KIF1B: variants seen among roughly 807,000 people sequenced by gnomAD.
KIF1B encodes kinesin family member 1B.
In KIF1B, 76 loss-of-function variants were observed where a neutral mutation model predicts 241.9. The ratio of observed to expected loss-of-function variants is 0.31; its 90% CI spans 0.26 to 0.38. The LOEUF (loss-of-function observed/expected upper bound fraction) is 0.38. Among genes scored for constraint, KIF1B ranks in the 10% least tolerant of loss-of-function variants. The probability of loss-of-function intolerance (pLI) is 1.00; values close to 1 mark genes in which losing one functional copy is unlikely to be tolerated. For missense variants in KIF1B, 1,622 were observed against 2,271.4 expected, an observed-to-expected ratio of 0.71 and a Z score of 5.81; for synonymous variants, 750 against 796.7, an observed-to-expected ratio of 0.94 and a Z score of 0.99.
At chr1:10,359,816 T>C (rs1027550414) in intron 38 of KIF1B, among the ~76,000 whole-genome samples, 1 of 151,814 alleles carries the variant, frequency 6.6e-6, no homozygotes, top group Admixed American at 6.6e-5. Context: ...GGCAGAGCGC[T>C]TGAGGTCAGG....
intron 45 of KIF1B, among the ~76,000 whole-genome samples, chr1:10,372,059 GTCTA>G (rs1638748347): frequency 6.6e-6 from 1 of 152,138 alleles, no homozygotes; most frequent in Non-Finnish European, 1.5e-5. Flanking sequence ...TCATCCACCT[GTCTA>G]TCTTATTGTA....
At chr1:10,248,358 C>A (rs1180554612) in intron 2 of KIF1B, among the ~76,000 whole-genome samples, 4 of 151,998 alleles carry the variant, frequency 2.6e-5, no homozygotes, top group African/African-American at 9.7e-5. Flanking sequence ...CGCTACCATA[C>A]TTGGCTAATT....
At chr1:10,283,921 C>G (rs1649559037) in intron 15 of KIF1B, among the ~76,000 whole-genome samples, 1 of 152,228 alleles carries the variant, frequency 6.6e-6, no homozygotes, top group African/African-American at 2.4e-5. Flanking sequence ...CCGAAAAACT[C>G]TTTAACACTA....
At chr1:10,284,456 C>T (rs530618818) in intron 15 of KIF1B, among the ~76,000 whole-genome samples, 1 of 152,138 alleles carries the variant, frequency 6.6e-6, no homozygotes, top group Non-Finnish European at 1.5e-5. Flanking sequence ...GAGGCTGAGG[C>T]AGGCAGATCA....
chr1:10,339,293 A>G (rs1045402960), intron 31 of KIF1B, among the ~76,000 whole-genome samples: 4 of 152,208 alleles, frequency 2.6e-5, no homozygotes, highest in Admixed American at 2.6e-4. Context: ...GTAATGTGGG[A>G]ACACAAAGCT....
chr1:10,344,180 T>G lies in KIF1B; in HGVS notation c.3688+893T>G, dbSNP rs548057918. On this transcript the variant is annotated intron_variant, in intron 34 of 48. Coordinates refer to ENST00000676179, the MANE Select transcript of KIF1B (RefSeq NM_001365951.3). ...GACACATTTTCTGAGCACGCCAGTGTGCTTGCATCCTCCGCTATTGCCACC... is the reference window on the plus strand; with the variant it reads ...GACACATTTTCTGAGCACGCCAGTGGGCTTGCATCCTCCGCTATTGCCACC... Among the ~76,000 whole-genome samples the G allele has an allele frequency of 2.0e-5, 3 of 152,236 alleles. No individual in the cohort carries two copies. The South Asian group carries it at 6.2e-4, about 31-fold the overall frequency.
At chr1:10,340,832 G>T (rs1198333258) in intron 32 of KIF1B, among the ~76,000 whole-genome samples, 1 of 152,174 alleles carries the variant, frequency 6.6e-6, no homozygotes, top group Non-Finnish European at 1.5e-5. Context: ...GTTACAAGAG[G>T]CAGAGATAGG....
At chr1:10,268,364 G>A in intron 7 of KIF1B, 101 bp downstream of exon 7, 1 of 792,306 alleles carries the variant, frequency 1.3e-6, no homozygotes, top group Admixed American at 2.0e-5. Flanking sequence ...GGGTGTTGGG[G>A]GGTGCTCTTT....
chr1:10,379,655 A>G lies in KIF1B; in HGVS notation c.*3068A>G, dbSNP rs1415511486. The G allele has an allele frequency of 4.3e-6, 1 of 231,510 alleles. No homozygotes were observed. The highest frequency in any genetic ancestry group is 6.1e-5 in the East Asian group (1 of 16,362). The allele number at this position is 231,510 out of a possible 1,614,324, so 14.3% of individuals were successfully genotyped here. A position where few individuals can be genotyped will look rare whatever the true frequency, so the allele number is the denominator to read the frequency against. ...ATAAGCAAAAACTTTAAAAGGCAGG[A>G]AAGAGAATTCTTAGGCAAATTCAGA... is the stretch of plus-strand genomic sequence containing the variant. On this transcript the variant is annotated 3_prime_UTR_variant, in exon 49 of 49. Coordinates refer to ENST00000676179, the MANE Select transcript of KIF1B (RefSeq NM_001365951.3).
intron 19 of KIF1B, 98 bp downstream of exon 19, chr1:10,295,864 C>T (rs138338520): frequency 9.8e-7 from 1 of 1,019,746 alleles, no homozygotes; most frequent in African/African-American, 1.6e-5. Flanking sequence ...GTAGTACTTT[C>T]TTATACAATC....
chr1:10,304,820 C>T (rs1260213601), intron 22 of KIF1B: 14 of 1,465,450 alleles, frequency 9.6e-6, no homozygotes, highest in Admixed American at 7.2e-5. Flanking sequence ...CTCCCTTTTG[C>T]TTGTATACCA....
chr1:10,216,957 CTTTTTTTTTTTTTT>C (rs70998362), intron 1 of KIF1B, among the ~76,000 whole-genome samples: 142 of 54,516 alleles, frequency 2.6e-3, no homozygotes, highest in East Asian at 0.019. Context: ...TGCCCATTTT[CTTTTTTTTTTTTTT>C]TTTTTTTTTT....
At chr1:10,335,582 T>G (rs1487942510) in intron 28 of KIF1B, among the ~76,000 whole-genome samples, 1 of 152,204 alleles carries the variant, frequency 6.6e-6, no homozygotes, top group Non-Finnish European at 1.5e-5. Flanking sequence ...AACTGCTTCA[T>G]TATTAACAAA....
intron 22 of KIF1B, among the ~76,000 whole-genome samples, chr1:10,318,473 G>A (rs560445634): frequency 4.2e-4 from 63 of 151,680 alleles, no homozygotes; most frequent in Non-Finnish European, 7.6e-4. Context: ...TGTAATCCCA[G>A]CACTTTGGGA....
chr1:10,309,967 C>T (rs1262000028), intron 22 of KIF1B, among the ~76,000 whole-genome samples: 1 of 151,398 alleles, frequency 6.6e-6, no homozygotes, highest in Non-Finnish European at 1.5e-5. Context: ...GCCTGGAGCC[C>T]ATTTCCATCA....
At chr1:10,305,420 C>T (rs1650780680) in intron 22 of KIF1B, 1 of 1,055,288 alleles carries the variant, frequency 9.5e-7, no homozygotes, top group African/African-American at 1.7e-5. Flanking sequence ...CACACATGCA[C>T]ACAAAGTGAA....
intron 15 of KIF1B, among the ~76,000 whole-genome samples, chr1:10,288,496 G>A (rs1167491806): frequency 6.6e-6 from 1 of 152,172 alleles, no homozygotes; most frequent in Non-Finnish European, 1.5e-5. Flanking sequence ...GCCTCTGTGT[G>A]TGTTCTGAAG....
intron 2 of KIF1B, among the ~76,000 whole-genome samples, chr1:10,255,815 G>C (rs1647742244): frequency 6.6e-6 from 1 of 151,852 alleles, no homozygotes. Context: ...ATTCATTTTT[G>C]AGATCGGGTC....
intron 1 of KIF1B, among the ~76,000 whole-genome samples, chr1:10,230,226 G>A (rs910141644): frequency 2.0e-5 from 3 of 152,090 alleles, no homozygotes; most frequent in Admixed American, 6.6e-5. Flanking sequence ...GGAACACATC[G>A]GTTATGGTGT....
Sources: allele counts gnomAD v4.1 joint callset (sites outside exome capture counted in the v4.1 genomes callset), GRCh38; gene constraint gnomAD v4.1.1; transcripts MANE v1.5; gene names NCBI Gene and HGNC (gene_info 2026-07-23, HGNC 2026-07-21).